Variants in CTIF observed in about 807,000 individuals in gnomAD.
The protein encoded by CTIF is CBP80/20-dependent translation initiation factor.
In CTIF, 21 loss-of-function variants were observed where a neutral mutation model predicts 66.0. The ratio of observed to expected loss-of-function variants is 0.32; its 90% CI spans 0.23 to 0.46. The LOEUF (loss-of-function observed/expected upper bound fraction) is 0.46. CTIF is among the 20% of genes least tolerant of loss of function. The probability of loss-of-function intolerance (pLI) is 1.00; values close to 1 mark genes in which losing one functional copy is unlikely to be tolerated. For missense variants in CTIF, 739 were observed against 812.7 expected (o/e 0.91, Z 1.10); for synonymous variants, 345 against 326.4 (o/e 1.06, Z -0.62).
intron 6 of CTIF, among the ~76,000 whole-genome samples, chr18:48,709,153 AG>A (rs1344391952): frequency 6.6e-6 from 1 of 152,244 alleles, no homozygotes; most frequent in Non-Finnish European, 1.5e-5. Context: ...AGGCACATAG[AG>A]GTTAGGTCAT....
At chr18:48,844,461 G>A (rs1286061604) in intron 10 of CTIF, among the ~76,000 whole-genome samples, 2 of 152,236 alleles carry the variant, frequency 1.3e-5, no homozygotes, top group Non-Finnish European at 2.9e-5. Context: ...CCAGCTGTGG[G>A]ATGAAGCATC....
chr18:48,624,318 G>C (rs147628582), intron 2 of CTIF, among the ~76,000 whole-genome samples: 1 of 152,268 alleles, frequency 6.6e-6, no homozygotes, highest in African/African-American at 2.4e-5. Flanking sequence ...AATGGAGCAT[G>C]GCCAAACCCC....
chr18:48,821,721 T>C (rs2068486924), intron 10 of CTIF, among the ~76,000 whole-genome samples: 1 of 152,248 alleles, frequency 6.6e-6, no homozygotes, highest in Non-Finnish European at 1.5e-5. Flanking sequence ...AGATTATTGG[T>C]CATCTGTAGC....
intron 1 of CTIF, among the ~76,000 whole-genome samples, chr18:48,578,518 A>C (rs2089584755): frequency 6.6e-6 from 1 of 152,106 alleles, no homozygotes; most frequent in Non-Finnish European, 1.5e-5. Flanking sequence ...TAGTCATCCT[A>C]GTGGGTGTAA....
intron 1 of CTIF, among the ~76,000 whole-genome samples, chr18:48,555,049 G>A (rs765705262): frequency 1.3e-5 from 2 of 152,216 alleles, no homozygotes; most frequent in Non-Finnish European, 2.9e-5. Context: ...TGGATAAGGT[G>A]TCCAAACCTC....
intron 3 of CTIF, among the ~76,000 whole-genome samples, chr18:48,650,566 G>C (rs2091137152): frequency 6.6e-6 from 1 of 152,210 alleles, no homozygotes; most frequent in Non-Finnish European, 1.5e-5. Context: ...TATTATCCAG[G>C]AGAACTTCCC....
At chr18:48,822,504 CA>C (rs2068504424) in intron 10 of CTIF, among the ~76,000 whole-genome samples, 4 of 61,782 alleles carry the variant, frequency 6.5e-5, no homozygotes, top group Non-Finnish European at 9.2e-5. Context: ...CCCCCACCCC[CA>C]ACACACACAC....
chr18:48,715,415 G>A (rs2092270061), intron 7 of CTIF, among the ~76,000 whole-genome samples: 1 of 152,230 alleles, frequency 6.6e-6, no homozygotes, highest in African/African-American at 2.4e-5. Context: ...CTAAATGAGT[G>A]TTCCACGCGT....
intron 6 of CTIF, among the ~76,000 whole-genome samples, chr18:48,688,061 C>T (rs562971589): frequency 6.4e-4 from 97 of 152,346 alleles, no homozygotes; most frequent in African/African-American, 1.9e-3. Flanking sequence ...TTTAAATAAG[C>T]AAGTCTACCC....
intron 9 of CTIF, among the ~76,000 whole-genome samples, chr18:48,808,516 C>CTT (rs34004475): frequency 0.12 from 15,757 of 135,366 alleles, 1,214 homozygotes; most frequent in African/African-American, 0.22. Flanking sequence ...ATTTTTGGTC[C>CTT]TTTTTTTTTT....
At chr18:48,759,562 A>G (rs1908752547) in intron 8 of CTIF, among the ~76,000 whole-genome samples, 1 of 152,226 alleles carries the variant, frequency 6.6e-6, no homozygotes, top group Non-Finnish European at 1.5e-5. Context: ...GCAGCTGAGC[A>G]GGCTCAGACC....
At chr18:48,618,256 G>T (rs1366145636) in intron 1 of CTIF, among the ~76,000 whole-genome samples, 1 of 152,226 alleles carries the variant, frequency 6.6e-6, no homozygotes, top group Non-Finnish European at 1.5e-5. Flanking sequence ...AAATTCAAAT[G>T]CTCCATTAAA....
intron 6 of CTIF, among the ~76,000 whole-genome samples, chr18:48,672,783 G>A (rs777897730): frequency 1.3e-5 from 2 of 152,100 alleles, no homozygotes; most frequent in Non-Finnish European, 2.9e-5. Context: ...ACCCACAGAG[G>A]CCCAGACCCC....
Position 48,757,933 on chromosome 18 carries a change from C to G in CTIF, c.599C>G (p.Pro200Arg). ...RRNDRRRQQR[P>R]PGGNKPQQHG... ...TCCGTTTGCAGGCGGCAGCAGAGAC[C>G]TCCGGGGGGCAACAAGCCCCAACAG... Residue 200 changes from proline (P) to arginine (R), a missense_variant, in exon 8 of 12, where the codon CCT (proline) becomes CGT (arginine). By Grantham distance (103) the Pro-to-Arg change is moderately radical. Transcript: ENST00000256413. 1 of 1,612,548 alleles carries G rather than the reference C, an allele frequency of 6.2e-7. No individual in the cohort carries two copies. Among genetic ancestry groups the G allele is most frequent in the Non-Finnish European group, 8.5e-7 (1 of 1,179,076 alleles).
intron 10 of CTIF, among the ~76,000 whole-genome samples, chr18:48,842,146 C>T (rs2068959723): frequency 6.6e-6 from 1 of 152,142 alleles, no homozygotes; most frequent in Admixed American, 6.5e-5. Flanking sequence ...TTTCGAAGCT[C>T]CTGGACTTGT....
In CTIF at chr18:48,758,209, G is replaced by A. The variant is rs772394794; in HGVS notation, c.875G>A (p.Ser292Asn). Residue 292 changes from serine (S) to asparagine (N), a missense_variant, in exon 8 of 12, where the codon AGC (serine) becomes AAC (asparagine). By Grantham distance (46) the Ser-to-Asn change is conservative. This residue lies in a region of CTIF where 529 missense variants were observed against 520.3 expected (regional missense o/e 1.02). Transcript: ENST00000256413. Reference protein sequence around the residue: ...LEDTAGDTGHSSLEAPRSPDT... With the variant: ...LEDTAGDTGHNSLEAPRSPDT... ...GACACTGCAGGGGACACCGGGCACAGCAGCCTTGAGGCCCCCCGCAGCCCT... is the reference window on the plus strand; with the variant it reads ...GACACTGCAGGGGACACCGGGCACAACAGCCTTGAGGCCCCCCGCAGCCCT... 1 of 1,613,558 alleles carries A rather than the reference G, an allele frequency of 6.2e-7. No individual in the cohort carries two copies. The highest frequency in any genetic ancestry group is 8.5e-7 in the Non-Finnish European group (1 of 1,179,834).
intron 1 of CTIF, among the ~76,000 whole-genome samples, chr18:48,613,512 G>C (rs536672528): frequency 1.3e-5 from 2 of 152,142 alleles, no homozygotes; most frequent in East Asian, 3.9e-4. Context: ...GGGAGGGGAC[G>C]CTAGTGTGGA....
chr18:48,647,687 C>T (rs1479871339), intron 3 of CTIF, among the ~76,000 whole-genome samples: 2 of 152,172 alleles, frequency 1.3e-5, no homozygotes, highest in African/African-American at 4.8e-5. Context: ...CATGGAGATT[C>T]CACATAGAAA....
At chr18:48,750,545 C>A (rs896808896) in intron 7 of CTIF, among the ~76,000 whole-genome samples, 1 of 152,262 alleles carries the variant, frequency 6.6e-6, no homozygotes, top group Non-Finnish European at 1.5e-5. Flanking sequence ...CCCCACAGGC[C>A]CCAGCCACAG....
Sources: allele counts gnomAD v4.1 joint callset (sites outside exome capture counted in the v4.1 genomes callset), GRCh38; gene constraint gnomAD v4.1.1; regional missense constraint gnomAD v4.1.1; transcripts MANE v1.5; gene names NCBI Gene and HGNC (gene_info 2026-07-23, HGNC 2026-07-21).